Variants in CNBD1 observed in about 807,000 individuals in gnomAD.
CNBD1 encodes cyclic nucleotide binding domain containing 1, also known as cyclic nucleotide-binding domain-containing protein 1.
A neutral mutation model predicts 54.4 loss-of-function variants in CNBD1; 71 were observed. That is an observed-to-expected ratio of 1.30 (90% confidence interval 1.08 to 1.59). The LOEUF is 1.59. Ranked by LOEUF, CNBD1 falls within the 40% of genes most tolerant of loss-of-function variation. The pLI is 0.00. For missense variants in CNBD1, 659 were observed against 518.0 expected, an observed-to-expected ratio of 1.27 and a Z score of -2.64; for synonymous variants, 182 against 170.7, an observed-to-expected ratio of 1.07 and a Z score of -0.51.
At chr8:87,220,590 A>G (rs1010195294) in intron 5 of CNBD1, among the ~76,000 whole-genome samples, 4 of 150,086 alleles carry the variant, frequency 2.7e-5, no homozygotes, top group African/African-American at 9.8e-5. Context: ...TTTCAAATTC[A>G]TAGGTTTTTA....
intron 6 of CNBD1, among the ~76,000 whole-genome samples, chr8:87,275,320 T>C (rs1303717310): frequency 6.6e-6 from 1 of 150,556 alleles, no homozygotes; most frequent in African/African-American, 2.5e-5. Context: ...AGAAAGTCAT[T>C]GGTGGCTTGA....
At chr8:86,935,534 G>A (rs1809532828) in intron 3 of CNBD1, among the ~76,000 whole-genome samples, 1 of 152,144 alleles carries the variant, frequency 6.6e-6, no homozygotes. Context: ...TTGGCATGAA[G>A]TTTTCATAAT....
At chr8:87,374,774 C>A (rs971875488) in intron 10 of CNBD1, among the ~76,000 whole-genome samples, 2 of 151,246 alleles carry the variant, frequency 1.3e-5, no homozygotes, top group Non-Finnish European at 2.9e-5. Flanking sequence ...TGATGAGAAC[C>A]TAGACCTTGG....
At chr8:87,399,382 C>T (rs1337049539) in intron 2 of CNBD1, among the ~76,000 whole-genome samples, 2 of 152,068 alleles carry the variant, frequency 1.3e-5, no homozygotes, top group African/African-American at 4.8e-5. Context: ...TCTCTGTTCT[C>T]CCCAACACCA....
chr8:87,109,265 CTA>C (rs1039426309), intron 4 of CNBD1, among the ~76,000 whole-genome samples: 33 of 152,158 alleles, frequency 2.2e-4, no homozygotes, highest in African/African-American at 7.9e-4. Flanking sequence ...ATTCATAGGA[CTA>C]TTTTGTCTTT....
intron 3 of CNBD1, among the ~76,000 whole-genome samples, chr8:86,923,183 C>T (rs1163060167): frequency 6.6e-6 from 1 of 152,144 alleles, no homozygotes; most frequent in Non-Finnish European, 1.5e-5. Context: ...GAGCAGGCGG[C>T]TCAAGGGCCC....
At chr8:87,415,715 T>A (rs13256710) in intron 2 of CNBD1, among the ~76,000 whole-genome samples, 85,771 of 151,502 alleles carry the variant, frequency 0.57, 25,780 homozygotes, top group African/African-American at 0.77. Flanking sequence ...ACTTCAAGAA[T>A]TGAGAATTGT....
chr8:87,376,096 A>G (rs934901415), intron 10 of CNBD1, among the ~76,000 whole-genome samples: 5 of 151,962 alleles, frequency 3.3e-5, no homozygotes, highest in African/African-American at 9.7e-5. Context: ...AGCTTGTTCT[A>G]TCACTTACTG....
chr8:87,363,927 C>A (rs1439230523), intron 10 of CNBD1, among the ~76,000 whole-genome samples: 1 of 149,880 alleles, frequency 6.7e-6, no homozygotes, highest in East Asian at 1.9e-4. Context: ...GAAGTCCTTG[C>A]CCATGCCTAT....
chr8:87,191,461 G>A (rs1197862077), intron 4 of CNBD1, among the ~76,000 whole-genome samples: 1 of 152,122 alleles, frequency 6.6e-6, no homozygotes, highest in Non-Finnish European at 1.5e-5. Flanking sequence ...CACCTTCAGA[G>A]ACACCCCCAG....
chr8:87,091,573 A>G (rs1811203636), intron 4 of CNBD1, among the ~76,000 whole-genome samples: 1 of 152,152 alleles, frequency 6.6e-6, no homozygotes, highest in African/African-American at 2.4e-5. Flanking sequence ...TCTATAATCC[A>G]TGTTCAATAG....
chr8:87,337,650 A>G (rs1809974937), intron 8 of CNBD1, among the ~76,000 whole-genome samples: 1 of 152,152 alleles, frequency 6.6e-6, no homozygotes, highest in Non-Finnish European at 1.5e-5. Context: ...ACTTTTGTGG[A>G]AAAACCACAG....
At chr8:87,424,055 T>C (rs552876974) in intron 2 of CNBD1, among the ~76,000 whole-genome samples, 2 of 152,230 alleles carry the variant, frequency 1.3e-5, no homozygotes, top group African/African-American at 2.4e-5. Context: ...TTTTCTAGTT[T>C]ATTTGTGTAG....
At chr8:87,302,569 C>T (rs1336651376) in intron 8 of CNBD1, among the ~76,000 whole-genome samples, 1 of 151,864 alleles carries the variant, frequency 6.6e-6, no homozygotes, top group African/African-American at 2.4e-5. Context: ...CCTTTGAAAA[C>T]TGGCACAAGA....
chr8:86,932,743 G>T (rs564949930), intron 3 of CNBD1, among the ~76,000 whole-genome samples: 2 of 152,012 alleles, frequency 1.3e-5, no homozygotes, highest in East Asian at 1.9e-4. Flanking sequence ...GGGTCAAATT[G>T]TTCCCAATGG....
intron 4 of CNBD1, among the ~76,000 whole-genome samples, chr8:87,089,021 G>T (rs993541521): frequency 6.6e-6 from 1 of 152,128 alleles, no homozygotes; most frequent in Non-Finnish European, 1.5e-5. Flanking sequence ...TTTACGGGAA[G>T]CTTCATAAAG....
chr8:87,388,588 C>G (rs1197368197), intron 2 of CNBD1, among the ~76,000 whole-genome samples: 1 of 152,122 alleles, frequency 6.6e-6, no homozygotes, highest in Non-Finnish European at 1.5e-5. Context: ...ATAACAGGCT[C>G]TGAAATTGAG....
chr8:87,185,350 C>G (rs992460844), intron 4 of CNBD1, among the ~76,000 whole-genome samples: 2 of 152,098 alleles, frequency 1.3e-5, no homozygotes, highest in Non-Finnish European at 2.9e-5. Flanking sequence ...TTAGTATTTA[C>G]TTCTTCGCGT....
At chr8:86,928,783 C>G (rs1249191647) in intron 3 of CNBD1, among the ~76,000 whole-genome samples, 1 of 152,222 alleles carries the variant, frequency 6.6e-6, no homozygotes, top group African/African-American at 2.4e-5. Context: ...CAGGCTTTGA[C>G]AACTTGTCAG....
Sources: allele counts gnomAD v4.1 joint callset (sites outside exome capture counted in the v4.1 genomes callset), GRCh38; gene constraint gnomAD v4.1.1; transcripts MANE v1.5; gene names NCBI Gene and HGNC (gene_info 2026-07-23, HGNC 2026-07-21).